Variants in ADGRL2 observed in about 807,000 individuals in gnomAD.
ADGRL2 encodes adhesion G protein-coupled receptor L2, also known as calcium-independent alpha-latrotoxin receptor 2.
In ADGRL2, 44 loss-of-function variants were observed where a neutral mutation model predicts 157.4. The ratio of observed to expected loss-of-function variants is 0.28; its 90% CI spans 0.22 to 0.36. ADGRL2 has a LOEUF of 0.36. ADGRL2 is among the 10% of genes least tolerant of loss of function. The pLI, the probability that ADGRL2 is intolerant of heterozygous loss-of-function variation, is 1.00. For missense variants in ADGRL2, 1,510 were observed against 1,768.9 expected, an observed-to-expected ratio of 0.85 and a Z score of 2.63; for synonymous variants, 585 against 624.7, an observed-to-expected ratio of 0.94 and a Z score of 0.95.
At chr1:81,626,563 G>A (rs918120605) in intron 3 of ADGRL2, among the ~76,000 whole-genome samples, 6 of 152,200 alleles carry the variant, frequency 3.9e-5, no homozygotes, top group Non-Finnish European at 8.8e-5. Context: ...CGTGAGCACC[G>A]CGCCTGGCCT....
chr1:81,467,789 G>A (rs973983424), intron 2 of ADGRL2, among the ~76,000 whole-genome samples: 4 of 152,016 alleles, frequency 2.6e-5, no homozygotes, highest in African/African-American at 9.7e-5. Context: ...TCAAATGTAA[G>A]GTTGGTGTTT....
chr1:81,597,913 G>A (rs934970614), intron 3 of ADGRL2, among the ~76,000 whole-genome samples: 33 of 152,244 alleles, frequency 2.2e-4, no homozygotes, highest in African/African-American at 7.9e-4. Flanking sequence ...TTCCAATTTG[G>A]CAGTTCAGTC....
chr1:81,913,415 G>T (rs914454674), intron 3 of ADGRL2, among the ~76,000 whole-genome samples: 2 of 152,132 alleles, frequency 1.3e-5, no homozygotes, highest in Admixed American at 1.3e-4. Flanking sequence ...TCAGTTAGAA[G>T]TAAGACTACA....
At chr1:81,504,328 T>C (rs1291876001) in intron 2 of ADGRL2, among the ~76,000 whole-genome samples, 1 of 152,136 alleles carries the variant, frequency 6.6e-6, no homozygotes, top group Non-Finnish European at 1.5e-5. Context: ...TTCAGCCTTC[T>C]TCAGCCCTCT....
chr1:81,469,967 C>G lies in ADGRL2; in HGVS notation c.-248+24878C>G, dbSNP rs374283765. On this transcript the variant is annotated intron_variant, in intron 2 of 24. Coordinates refer to the ADGRL2 transcript ENST00000370721. Reference sequence around the variant, plus strand: ...GTCAGCCTGTGGACTGATAGCCATGCTTAATAAATGTTTCTGCACCAAAGA... The same window carrying G: ...GTCAGCCTGTGGACTGATAGCCATGGTTAATAAATGTTTCTGCACCAAAGA... 2.2e-4 allele frequency among the ~76,000 whole-genome samples: 34 copies of G among 152,266 alleles called. 6 individuals carry two copies. Among genetic ancestry groups the G allele is most frequent in the East Asian group, 1.5e-3 (8 of 5,184 alleles).
intron 1 of ADGRL2, among the ~76,000 whole-genome samples, chr1:81,357,313 T>G (rs1485482639): frequency 2.0e-5 from 3 of 152,188 alleles, no homozygotes; most frequent in African/African-American, 7.2e-5. Context: ...CTTCAGTGTT[T>G]AGATTGTAAA....
chr1:81,865,530 C>T (rs1385920725), intron 2 of ADGRL2, among the ~76,000 whole-genome samples: 9 of 152,186 alleles, frequency 5.9e-5, no homozygotes, highest in Non-Finnish European at 1.5e-5. Flanking sequence ...AAAATTGTCT[C>T]TAATTCTTAA....
chr1:81,937,106 C>T (rs386783), intron 4 of ADGRL2, among the ~76,000 whole-genome samples: 7,588 of 151,904 alleles, frequency 0.05, 517 homozygotes, highest in African/African-American at 0.15. Flanking sequence ...CTATTCAATA[C>T]GGCTGATAGA....
At chr1:81,876,527 C>T (rs1465604004) in intron 2 of ADGRL2, among the ~76,000 whole-genome samples, 1 of 152,072 alleles carries the variant, frequency 6.6e-6, no homozygotes, top group Non-Finnish European at 1.5e-5. Flanking sequence ...CTAGAGAAAT[C>T]CCTGATTTGT....
chr1:81,937,285 C>G (rs973109389), intron 4 of ADGRL2, among the ~76,000 whole-genome samples: 2 of 151,736 alleles, frequency 1.3e-5, no homozygotes, highest in Admixed American at 6.6e-5. Context: ...GAGGCAAGTG[C>G]TTTACTTTTT....
In ADGRL2 at chr1:81,635,226, C is replaced by G. The variant is rs529578169; in HGVS notation, c.-143+54246C>G. On this transcript the variant is annotated intron_variant, in intron 3 of 24. Transcript: ENST00000370721. ...TTATTGGCTTTCCTCTCTCCGTGTTCGCCTTCTCCATTTCCCCTCTGGTGC... is the reference window on the plus strand; with the variant it reads ...TTATTGGCTTTCCTCTCTCCGTGTTGGCCTTCTCCATTTCCCCTCTGGTGC... 2.6e-5 allele frequency among the ~76,000 whole-genome samples: 4 copies of G among 152,250 alleles called. No homozygotes were observed. The South Asian group carries it at 8.3e-4, about 32-fold the overall frequency.
intron 2 of ADGRL2, among the ~76,000 whole-genome samples, chr1:81,458,396 T>C (rs2077851738): frequency 6.6e-6 from 1 of 152,198 alleles, no homozygotes; most frequent in African/African-American, 2.4e-5. Context: ...CTTTTGAAGT[T>C]TGGTGAGTGA....
chr1:81,849,513 C>G (rs543997113), intron 2 of ADGRL2, among the ~76,000 whole-genome samples: 1 of 151,824 alleles, frequency 6.6e-6, no homozygotes, highest in African/African-American at 2.4e-5. Context: ...CTAAAAGAAT[C>G]ATTTTACATA....
chr1:81,479,197 G>A (rs1570217967), intron 2 of ADGRL2, among the ~76,000 whole-genome samples: 2 of 151,866 alleles, frequency 1.3e-5, no homozygotes, highest in African/African-American at 4.8e-5. Context: ...TATAGGCTGG[G>A]TGTGGTGGCT....
intron 2 of ADGRL2, among the ~76,000 whole-genome samples, chr1:81,543,474 C>A (rs1336338765): frequency 6.6e-6 from 1 of 152,218 alleles, no homozygotes; most frequent in Non-Finnish European, 1.5e-5. Context: ...ATAAGCCACC[C>A]ATTTACAGTA....
intron 2 of ADGRL2, among the ~76,000 whole-genome samples, chr1:81,461,227 G>T (rs993887988): frequency 2.0e-5 from 3 of 151,862 alleles, no homozygotes; most frequent in Non-Finnish European, 4.4e-5. Context: ...TTTTAAAGCA[G>T]AACAATCATA....
intron 2 of ADGRL2, among the ~76,000 whole-genome samples, chr1:81,549,260 A>T (rs547188619): frequency 6.6e-6 from 1 of 152,340 alleles, no homozygotes; most frequent in East Asian, 1.9e-4. Context: ...TGAGATACAC[A>T]ACAGGAGGAC....
At chr1:81,645,803 T>C (rs2082304585) in intron 3 of ADGRL2, among the ~76,000 whole-genome samples, 1 of 152,146 alleles carries the variant, frequency 6.6e-6, no homozygotes, top group East Asian at 1.9e-4. Context: ...CCCCCTCTAA[T>C]AAATACTGAT....
At chr1:81,435,457 G>A (rs752554128) in intron 1 of ADGRL2, among the ~76,000 whole-genome samples, 16 of 152,194 alleles carry the variant, frequency 1.1e-4, no homozygotes, top group Admixed American at 3.9e-4. Flanking sequence ...ATTGTCGAGA[G>A]TTCAATGAAT....
Sources: allele counts gnomAD v4.1 joint callset (sites outside exome capture counted in the v4.1 genomes callset), GRCh38; gene constraint gnomAD v4.1.1; transcripts MANE v1.5; gene names NCBI Gene and HGNC (gene_info 2026-07-23, HGNC 2026-07-21).